The following VPS13B variants were observed in gnomAD, a reference collection of about 807,000 sequenced individuals.
The protein encoded by VPS13B is intermembrane lipid transfer protein VPS13B.
VPS13B carries 285 observed loss-of-function variants against 426.4 expected under a neutral mutation model. The ratio of observed to expected loss-of-function variants is 0.67; its 90% CI spans 0.61 to 0.74. The LOEUF (loss-of-function observed/expected upper bound fraction) is 0.74. Ranked by LOEUF, VPS13B falls within the 30% of genes least tolerant of loss-of-function variation. VPS13B has a pLI of 0.00. For missense variants in VPS13B, 4,537 were observed against 4,782.6 expected (o/e 0.95, Z 1.51); for synonymous variants, 1,676 against 1,676.4 (o/e 1.00, Z 0.01).
At position 99,875,418 on chromosome 8, in the gene VPS13B, G is replaced by A; in HGVS notation, c.11746G>A (p.Val3916Ile). The A allele has an allele frequency of 1.2e-6, 2 of 1,614,150 alleles. No homozygotes were observed. Among genetic ancestry groups the A allele is most frequent in the Non-Finnish European group, 1.7e-6 (2 of 1,180,014 alleles). ...AATCTTTATTATTTTTGGATCCTAGGTAGATGGAGTCCGAGAGAGACTGTC... is the reference window on the plus strand; with the variant it reads ...AATCTTTATTATTTTTGGATCCTAGATAGATGGAGTCCGAGAGAGACTGTC... ...KQPRVACDVE[V>I]DGVRERLSEQ... Residue 3916 changes from valine (V) to isoleucine (I), a missense_variant and splice_region_variant, in exon 62 of 62, where the codon GTA becomes ATA. Around this residue, in one of 2 missense-constraint regions of VPS13B, gnomAD observed 4,311 missense variants for 4,474.3 expected, o/e 0.96. Transcript: ENST00000357162.
chr8:99,211,171 G>GAA (rs1177022160), intron 17 of VPS13B, among the ~76,000 whole-genome samples: 1 of 152,118 alleles, frequency 6.6e-6, no homozygotes, highest in East Asian at 1.9e-4. Context: ...GAGGCTGAAT[G>GAA]AAGTAGGCAA....
rs553113663 is a variant in VPS13B at position 99,302,469 on chromosome 8, T to C, written c.2824+27215T>C. Among the ~76,000 whole-genome samples, 16 of 152,316 alleles carry C rather than the reference T, an allele frequency of 1.1e-4. No homozygotes were observed. In the South Asian group the frequency reaches 3.3e-3, roughly 32 times the overall value. The stretch of plus-strand genomic sequence containing the variant: ...TTCTAACACAAAGCCTATTTTATGA[T>C]ACAGTATTGAATATCTCATGCAATT... On this transcript the variant is annotated intron_variant, in intron 19 of 61. Transcript: ENST00000357162.
intron 39 of VPS13B, among the ~76,000 whole-genome samples, chr8:99,723,859 C>G (rs1833227188): frequency 6.6e-6 from 1 of 152,134 alleles, no homozygotes; most frequent in Non-Finnish European, 1.5e-5. Context: ...TTGTAACTAC[C>G]AGAAGTTAGA....
rs34074519 is a variant in VPS13B at position 99,580,984 on chromosome 8, AACACACACAC to A, written c.5220+3389_5220+3398del. Among the ~76,000 whole-genome samples the A allele has an allele frequency of 3.7e-3, 472 of 126,686 alleles. 4 individuals are homozygous for A. Among genetic ancestry groups the A allele is most frequent in the South Asian group, 7.0e-3 (24 of 3,452 alleles). 83.1% of individuals were successfully genotyped at this position (126,686 alleles called of 152,430 possible). On this transcript the variant is annotated intron_variant, in intron 33 of 61. Transcript: ENST00000357162. The stretch of plus-strand genomic sequence containing the variant: ...ACATGGCAAAACTGCATCTCTACAA[AACACACACAC>A]ACACACACACACACACACACACACA...
intron 25 of VPS13B, among the ~76,000 whole-genome samples, chr8:99,486,019 C>A (rs1481037389): frequency 6.6e-6 from 1 of 152,022 alleles, no homozygotes; most frequent in Admixed American, 6.6e-5. Flanking sequence ...ATTGTGAACT[C>A]ATCTTCAACA....
At chr8:99,320,899 C>G (rs1489563170) in intron 19 of VPS13B, among the ~76,000 whole-genome samples, 1 of 152,122 alleles carries the variant, frequency 6.6e-6, no homozygotes, top group Non-Finnish European at 1.5e-5. Flanking sequence ...TTTGGCAAAC[C>G]TGCTTGCCTT....
chr8:99,340,803 G>A, intron 19 of VPS13B: 1 of 338,568 alleles, frequency 3.0e-6, no homozygotes, highest in Non-Finnish European at 6.0e-6. Context: ...GCAGTTGGTG[G>A]TGTGGCACGC....
intron 48 of VPS13B, 89 bp from the exon 49 acceptor site, chr8:99,819,832 C>T (rs1210539493): frequency 6.7e-7 from 1 of 1,502,142 alleles, no homozygotes; most frequent in Non-Finnish European, 9.2e-7. Flanking sequence ...CATGCAGGAG[C>T]ATGGTGTGTT....
rs1325396814 is a variant in VPS13B, at chr8:99,875,721, G to A, written c.*55G>A. The stretch of plus-strand genomic sequence containing the variant: ...TGTGATTTAGTTTTTGGGTTTCTTT[G>A]AGACAGGGTCTCACTGCATTGCCCT... On this transcript the variant is annotated 3_prime_UTR_variant, in exon 62 of 62. Transcript: ENST00000357162. 1 of 1,611,792 alleles carries A rather than the reference G, an allele frequency of 6.2e-7. No individual in the cohort carries two copies. Among genetic ancestry groups the A allele is most frequent in the Non-Finnish European group, 8.5e-7 (1 of 1,178,836 alleles).
At chr8:99,239,457 A>G (rs1816805619) in intron 17 of VPS13B, among the ~76,000 whole-genome samples, 1 of 152,202 alleles carries the variant, frequency 6.6e-6, no homozygotes, top group Non-Finnish European at 1.5e-5. Flanking sequence ...AAACATCAAC[A>G]ATATTACTGT....
At position 99,821,379 on chromosome 8, in the gene VPS13B, C is replaced by T; in HGVS notation, c.9080C>T (p.Ser3027Phe). 1 of 1,613,784 alleles carries T rather than the reference C, an allele frequency of 6.2e-7. No individual in the cohort carries two copies. Among genetic ancestry groups the T allele is most frequent in the Non-Finnish European group, 8.5e-7 (1 of 1,179,830 alleles). Reference protein sequence around the residue: ...VAIKLVHNLTSPKWKDGGNGE... With the variant: ...VAIKLVHNLTFPKWKDGGNGE... The stretch of plus-strand genomic sequence containing the variant: ...ATTAAACTGGTCCATAACCTGACAT[C>T]TCCAAAGTGGAAAGATGGAGGTAAT... Residue 3027 changes from serine to phenylalanine, a missense_variant, in exon 50 of 62, where the codon TCT (serine) becomes TTT (phenylalanine). Around this residue, in one of 2 missense-constraint regions of VPS13B, gnomAD observed 4,311 missense variants for 4,474.3 expected, o/e 0.96. Transcript: ENST00000357162.
At chr8:99,542,644 T>A (rs1823686330) in intron 30 of VPS13B, among the ~76,000 whole-genome samples, 1 of 152,152 alleles carries the variant, frequency 6.6e-6, no homozygotes. Flanking sequence ...CTTTATTACA[T>A]AGGTGGATGG....
At chr8:99,414,498 A>G (rs2133366225) in intron 21 of VPS13B, among the ~76,000 whole-genome samples, 1 of 152,198 alleles carries the variant, frequency 6.6e-6, no homozygotes, top group East Asian at 1.9e-4. Context: ...TAGTTGATGC[A>G]GTTTCTTCAT....
chr8:99,636,069 A>G (rs1338168343), intron 33 of VPS13B, among the ~76,000 whole-genome samples: 1 of 152,036 alleles, frequency 6.6e-6, no homozygotes, highest in East Asian at 1.9e-4. Flanking sequence ...TGATCTAAGA[A>G]GTAAACTATC....
chr8:99,657,444 G>A (rs1392837877), intron 34 of VPS13B, among the ~76,000 whole-genome samples: 5 of 129,482 alleles, frequency 3.9e-5, no homozygotes, highest in African/African-American at 1.3e-4. Flanking sequence ...CATCCTAGAG[G>A]TGATCATTCA....
Position 99,859,316 on chromosome 8 carries a change from G to C in VPS13B, c.10880G>C (p.Gly3627Ala). The part of the protein sequence containing the change: ...GALFRAGWVV[G>A]SLDILGSPAS... The stretch of plus-strand genomic sequence containing the variant: ...TTGTGCGTTGCAGGCTGGGTAGTTG[G>C]GTCTCTGGATATTCTTGGCAGCCCT... The change falls in exon 57 of 62, where the codon GGG (glycine) becomes GCG (alanine). Residue 3627 changes from glycine (G) to alanine (A), a missense_variant. By Grantham distance (60) the Gly-to-Ala change is moderately conservative (BLOSUM62 0). Transcript: ENST00000357162. 6.2e-7 allele frequency: 1 copy of C among 1,613,666 alleles called. No individual in the cohort carries two copies. The highest frequency in any genetic ancestry group is 8.5e-7 in the Non-Finnish European group (1 of 1,179,930).
rs139129988 is a variant in VPS13B at position 99,723,239 on chromosome 8, T to C, written c.7050+2192T>C. Reference sequence around the variant, plus strand: ...AATAATAATGTGATGATTGTAAGAATCAATATTTATAAAATACATAGAACT... The same window carrying C: ...AATAATAATGTGATGATTGTAAGAACCAATATTTATAAAATACATAGAACT... On this transcript the variant is annotated intron_variant, in intron 39 of 61. Coordinates refer to ENST00000357162, the MANE Select transcript of VPS13B (RefSeq NM_152564.5). 4.6e-5 allele frequency among the ~76,000 whole-genome samples: 7 copies of C among 152,300 alleles called. No homozygotes were observed. The East Asian group carries it at 1.2e-3, about 25-fold the overall frequency.
intron 19 of VPS13B, among the ~76,000 whole-genome samples, chr8:99,301,433 A>G (rs1228520421): frequency 6.6e-6 from 1 of 151,802 alleles, no homozygotes; most frequent in East Asian, 1.9e-4. Flanking sequence ...AGCTGGGATT[A>G]CAGGCATGCA....
intron 33 of VPS13B, among the ~76,000 whole-genome samples, chr8:99,623,145 C>T (rs1228122533): frequency 1.3e-5 from 2 of 152,146 alleles, no homozygotes; most frequent in African/African-American, 4.8e-5. Flanking sequence ...AGTCTCTGAC[C>T]TCCTCTTCTA....
Sources: allele counts gnomAD v4.1 joint callset (sites outside exome capture counted in the v4.1 genomes callset), GRCh38; gene constraint gnomAD v4.1.1; regional missense constraint gnomAD v4.1.1; transcripts MANE v1.5; gene names NCBI Gene and HGNC (gene_info 2026-07-23, HGNC 2026-07-21).